Variants in MACF1 observed in about 807,000 individuals in gnomAD.
MACF1 encodes the protein microtubule actin crosslinking factor 1.
In MACF1, 193 loss-of-function variants were observed where a neutral mutation model predicts 854.8. That is an observed-to-expected ratio of 0.23 (90% CI 0.20 to 0.25). The LOEUF (loss-of-function observed/expected upper bound fraction) is 0.25. Ranked by LOEUF, MACF1 falls within the 10% of genes least tolerant of loss-of-function variation. The probability of loss-of-function intolerance (pLI) is 1.00; values close to 1 mark genes in which losing one functional copy is unlikely to be tolerated. For missense variants in MACF1, 7,722 were observed against 8,929.1 expected (o/e 0.86, Z 5.45); for synonymous variants, 3,185 against 3,226.7 (o/e 0.99, Z 0.44).
intron 2 of MACF1, among the ~76,000 whole-genome samples, chr1:39,193,082 A>C (rs562196948): frequency 6.6e-6 from 1 of 152,284 alleles, no homozygotes; most frequent in South Asian, 2.1e-4. Flanking sequence ...ATTGCACTAC[A>C]GTCTGGGCAA....
chr1:39,475,995 G>A (rs1348649095), intron 97 of MACF1, among the ~76,000 whole-genome samples: 2 of 152,158 alleles, frequency 1.3e-5, no homozygotes, highest in Non-Finnish European at 2.9e-5. Flanking sequence ...AAAAACAAGA[G>A]AGCAGTGTGT....
intron 97 of MACF1, among the ~76,000 whole-genome samples, chr1:39,470,758 C>A (rs1015499557): frequency 6.6e-6 from 1 of 152,194 alleles, no homozygotes; most frequent in Non-Finnish European, 1.5e-5. Flanking sequence ...TTAACTTTAA[C>A]TCAGTAAAAC....
intron 2 of MACF1, among the ~76,000 whole-genome samples, chr1:39,093,382 C>G (rs1641858657): frequency 7.9e-6 from 1 of 126,304 alleles, no homozygotes; most frequent in Non-Finnish European, 1.6e-5. Context: ...ATGGCTCAAT[C>G]TCTGCTCATT....
intron 89 of MACF1, among the ~76,000 whole-genome samples, chr1:39,455,839 G>A (rs926281539): frequency 1.3e-5 from 2 of 152,192 alleles, no homozygotes; most frequent in Non-Finnish European, 2.9e-5. Context: ...ATATCCTTAA[G>A]AGGCAAATAC....
chr1:39,482,959 C>G (rs1261934579), intron 99 of MACF1, among the ~76,000 whole-genome samples: 2 of 151,096 alleles, frequency 1.3e-5, no homozygotes, highest in East Asian at 1.9e-4. Flanking sequence ...ACAAAAAATA[C>G]AAAAATAAGC....
chr1:39,370,004 A>G, intron 50 of MACF1, 26 bp from the exon 51 acceptor site: 6 of 1,596,974 alleles, frequency 3.8e-6, no homozygotes, highest in Non-Finnish European at 5.1e-6. Context: ...TTAGTCTGGC[A>G]AGTAACAAAA....
At chr1:39,265,661 G>A (rs997644797) in intron 6 of MACF1, among the ~76,000 whole-genome samples, 3 of 152,146 alleles carry the variant, frequency 2.0e-5, no homozygotes. Context: ...AGTGAAAAAC[G>A]GAATGGTTGT....
At chr1:39,407,210 T>C (rs1005483405) in intron 58 of MACF1, among the ~76,000 whole-genome samples, 1 of 152,204 alleles carries the variant, frequency 6.6e-6, no homozygotes, top group African/African-American at 2.4e-5. Context: ...AGAAGCTCTT[T>C]GTTGGTTTTA....
At position 39,183,230 on chromosome 1, in the gene MACF1, G is replaced by A. The variant is rs535307710; in HGVS notation, c.221-47952G>A. On this transcript the variant is annotated intron_variant, in intron 2 of 93. Transcript: ENST00000361689. ...GGAAGTGACTGCTAATTGATATAGG[G>A]TTTCTTCAGGGGGTGATGGAATGTT... 3.3e-5 allele frequency among the ~76,000 whole-genome samples: 5 copies of A among 152,274 alleles called. No homozygotes were observed. In the South Asian group the frequency reaches 1.0e-3, roughly 32 times the overall value.
At chr1:39,407,999 A>G (rs1642781096) in intron 58 of MACF1, among the ~76,000 whole-genome samples, 1 of 152,192 alleles carries the variant, frequency 6.6e-6, no homozygotes, top group Non-Finnish European at 1.5e-5. Context: ...CCAGGTGACC[A>G]AGTGGCTTTT....
At chr1:39,153,074 T>C (rs1557485326) in intron 2 of MACF1, among the ~76,000 whole-genome samples, 2 of 152,192 alleles carry the variant, frequency 1.3e-5, no homozygotes, top group Admixed American at 1.3e-4. Context: ...GAAACTGTTC[T>C]TGCGGGTGGT....
chr1:39,088,117 C>T (rs1338612148), intron 2 of MACF1, among the ~76,000 whole-genome samples: 2 of 152,118 alleles, frequency 1.3e-5, no homozygotes, highest in African/African-American at 2.4e-5. Context: ...GGACTACAGG[C>T]GCCTGCCACC....
At chr1:39,425,699 T>C (rs192211040) in intron 61 of MACF1, among the ~76,000 whole-genome samples, 3 of 152,342 alleles carry the variant, frequency 2.0e-5, no homozygotes, top group Admixed American at 2.0e-4. Flanking sequence ...CATGAAATGC[T>C]TTTGTCCAGC....
In MACF1 at chr1:39,387,700, A is replaced by C. The variant is rs2148568166; in HGVS notation, c.14858A>C (p.Glu4953Ala). 1 of 1,614,176 alleles carries C rather than the reference A, an allele frequency of 6.2e-7. No homozygotes were observed. The highest frequency in any genetic ancestry group is 8.5e-7 in the Non-Finnish European group (1 of 1,180,040). Residue 4953 changes from glutamate (E) to alanine (A), a missense_variant, in exon 58 of 101, where the codon GAG (glutamate) becomes GCG (alanine). Physicochemically the swap from Glu to Ala is moderately radical, Grantham distance 107. Transcript: ENST00000564288. ...LRSKAMLNEV[E>A]KRRSLLEILN... is the part of the protein sequence containing the mutation. ...TCAAAGGCTATGCTGAATGAGGTGG[A>C]GAAGCGCCGCTCCCTGCTGGAAATA... is the stretch of plus-strand genomic sequence containing the variant.
Position 39,336,349 on chromosome 1 carries a change from C to G in MACF1, c.9761C>G (p.Ser3254Cys). ...NPNVAGLEAG[S>C]IEDIVTQRGS... The stretch of plus-strand genomic sequence containing the variant: ...AATGTTGCAGGTCTAGAAGCAGGAT[C>G]CATTGAGGACATAGTGACTCAGAGA... The change falls in exon 37 of 101, where the codon TCC becomes TGC. Residue 3254 changes from serine (S) to cysteine (C), a missense_variant. By Grantham distance (112) the Ser-to-Cys change is moderately radical (BLOSUM62 -1). Transcript: ENST00000564288. 2.5e-6 allele frequency: 4 copies of G among 1,614,142 alleles called. No individual in the cohort carries two copies. In the South Asian group the frequency reaches 4.4e-5, roughly 18 times the overall value.
chr1:39,433,350 A>C (rs1285281458), intron 68 of MACF1, among the ~76,000 whole-genome samples, 195 bp downstream of exon 68: 1 of 152,234 alleles, frequency 6.6e-6, no homozygotes, highest in African/African-American at 2.4e-5. Flanking sequence ...CAGCCATCCT[A>C]TATAATGTGA....
At chr1:39,401,404 C>A (rs912704269) in intron 58 of MACF1, among the ~76,000 whole-genome samples, 1 of 152,160 alleles carries the variant, frequency 6.6e-6, no homozygotes, top group African/African-American at 2.4e-5. Context: ...ACTAAGTCAG[C>A]ATCTTTAGGA....
chr1:39,374,454 C>T (rs1649536639), intron 52 of MACF1, among the ~76,000 whole-genome samples: 1 of 152,188 alleles, frequency 6.6e-6, no homozygotes, highest in Admixed American at 6.5e-5. Flanking sequence ...CCACAAGTGA[C>T]ATTTCAGGGA....
intron 2 of MACF1, among the ~76,000 whole-genome samples, chr1:39,140,590 A>C (rs1337900528): frequency 6.6e-6 from 1 of 152,178 alleles, no homozygotes; most frequent in Non-Finnish European, 1.5e-5. Context: ...TGGATCAAAG[A>C]CCATAGTTAA....
Sources: gnomAD v4.1 joint callset for allele counts (sites outside exome capture counted in the v4.1 genomes callset) on GRCh38, gnomAD v4.1.1 for gene constraint, MANE v1.5 for transcripts, NCBI Gene and HGNC (gene_info 2026-07-23, HGNC 2026-07-21) for gene names.